The following AGBL5 variants were observed in gnomAD, a reference collection of about 807,000 sequenced individuals.
AGBL5 encodes the protein AGBL carboxypeptidase 5, also known as cytosolic carboxypeptidase-like protein 5.
A neutral mutation model predicts 88.0 loss-of-function variants in AGBL5; 51 were observed. The observed-to-expected ratio is 0.58, with a 90% CI of 0.46 to 0.73. The LOEUF is 0.73. Among genes scored for constraint, AGBL5 ranks in the 30% least tolerant of loss-of-function variants. The probability of loss-of-function intolerance (pLI) is 0.00; values close to 1 mark genes in which losing one functional copy is unlikely to be tolerated. For missense variants in AGBL5, 1,031 were observed against 1,162.2 expected, an observed-to-expected ratio of 0.89 and a Z score of 1.64; for synonymous variants, 446 against 438.8, an observed-to-expected ratio of 1.02 and a Z score of -0.21.
rs372015397 is a variant in AGBL5 at position 27,055,659 on chromosome 2, C to T, written c.909-23C>T. On this transcript the variant is annotated intron_variant, in intron 6 of 14. Transcript: ENST00000360131. ...CACTGGCCCAGTCCTCTAGAACCTG[C>T]TTCAGTCCTTGTTTTCCTACAGCAC... The T allele has an allele frequency of 8.1e-6, 13 of 1,601,394 alleles. No individual in the cohort carries two copies. The South Asian group carries it at 1.0e-4, about 12-fold the overall frequency.
chr2:27,063,162 T>C (rs1372090808), intron 11 of AGBL5, among the ~76,000 whole-genome samples: 2 of 152,240 alleles, frequency 1.3e-5, no homozygotes, highest in East Asian at 3.8e-4. Flanking sequence ...CTTTTTCCAC[T>C]GCAAACAAAA....
chr2:27,051,302 C>G (rs969478991), upstream of AGBL5: 2 of 152,214 alleles, frequency 1.3e-5, no homozygotes, highest in African/African-American at 2.4e-5. Context: ...CTTTTGCGTC[C>G]GTCACACTAC....
At position 27,057,421 on chromosome 2, in the gene AGBL5, G is replaced by A; in HGVS notation, c.1654G>A (p.Val552Met). The change falls in exon 9 of 15, where the codon GTG becomes ATG. Residue 552 changes from valine (V) to methionine (M), a missense_variant. Coordinates refer to ENST00000360131, the MANE Select transcript of AGBL5 (RefSeq NM_021831.6). ...GCCGGCTTTCCCCTCCAGATACACT[G>A]TGGAACTATTTGAGCAGGTATGAAT... ...PPPAFPSRYT[V>M]ELFEQVGRAM... 1 of 1,612,316 alleles carries A rather than the reference G, an allele frequency of 6.2e-7. No homozygotes were observed. The highest frequency in any genetic ancestry group is 1.1e-5 in the South Asian group (1 of 90,730).
At chr2:27,055,277 T>C in intron 6 of AGBL5, 24 bp downstream of exon 6, 2 of 1,608,374 alleles carry the variant, frequency 1.2e-6, no homozygotes, top group Middle Eastern at 3.3e-4. Flanking sequence ...CCAGCCTGTC[T>C]GGACTGTTCC....
intron 11 of AGBL5, among the ~76,000 whole-genome samples, chr2:27,061,477 G>A (rs1164329500): frequency 2.6e-5 from 4 of 151,926 alleles, no homozygotes; most frequent in Non-Finnish European, 5.9e-5. Context: ...CCTCGTGATC[G>A]CCTGCCTCGG....
intron 5 of AGBL5, 82 bp downstream of exon 5, chr2:27,054,889 C>T (rs1178833466): frequency 2.6e-6 from 4 of 1,536,442 alleles, no homozygotes; most frequent in Non-Finnish European, 3.5e-6. Context: ...TATGTTATCT[C>T]TAGGCATCTT....
chr2:27,063,114 T>C (rs186290645), intron 11 of AGBL5, among the ~76,000 whole-genome samples: 193 of 152,352 alleles, frequency 1.3e-3, no homozygotes, highest in African/African-American at 4.4e-3. Context: ...GATTCAGTGA[T>C]GGTAGAAGAC....
At position 27,058,618 on chromosome 2, in the gene AGBL5, T is replaced by C. The variant is rs1558418161; in HGVS notation, c.1874+16T>C. The C allele has an allele frequency of 6.2e-7, 1 of 1,613,036 alleles. No homozygotes were observed. The highest frequency in any genetic ancestry group is 1.7e-5 in the Admixed American group (1 of 59,938). The stretch of plus-strand genomic sequence containing the variant: ...AAAGTCACAAGTAAGGCCAGCAAAA[T>C]AGGAGGGAGAAAGGGTAGGACAGTG... On this transcript the variant is annotated intron_variant, in intron 10 of 14. Transcript: ENST00000360131.
At chr2:27,054,114 A>C in intron 4 of AGBL5, 55 bp downstream of exon 4, 1 of 1,532,314 alleles carries the variant, frequency 6.5e-7, no homozygotes, top group Non-Finnish European at 8.8e-7. Context: ...CAGCACCTCC[A>C]CTACTTCTGG....
chr2:27,059,096 C>A, intron 10 of AGBL5, 94 bp from the exon 11 acceptor site: 1 of 1,275,128 alleles, frequency 7.8e-7, no homozygotes, highest in Non-Finnish European at 1.1e-6. Context: ...CCTTTTTACC[C>A]CAGAGGTGAA....
chr2:27,053,482 G>T lies in AGBL5; in HGVS notation c.296G>T (p.Ser99Ile), dbSNP rs1668279942. ...AACATTATGAACATGAACAAGCAGA[G>T]CAAGCTGTATTCCCAGGGCATGGCC... is the stretch of plus-strand genomic sequence containing the variant. Reference protein sequence around the residue: ...KINIMNMNKQSKLYSQGMAPF... With the variant: ...KINIMNMNKQIKLYSQGMAPF... The change falls in exon 3 of 15, where the codon AGC (serine) becomes ATC (isoleucine). Residue 99 changes from serine to isoleucine, a missense_variant. Transcript: ENST00000360131. This position sits in a 1 kb window ranked among gnomAD's most constrained non-coding sequence, Gnocchi z 4.9. The T allele has an allele frequency of 3.7e-6, 6 of 1,614,022 alleles. No homozygotes were observed. The highest frequency in any genetic ancestry group is 5.1e-6 in the Non-Finnish European group (6 of 1,180,052).
chr2:27,062,180 A>G (rs934299095), intron 11 of AGBL5, among the ~76,000 whole-genome samples: 2 of 140,906 alleles, frequency 1.4e-5, no homozygotes, highest in African/African-American at 5.3e-5. Flanking sequence ...CTGGAGTGCA[A>G]TGGCATGATC....
intron 12 of AGBL5, among the ~76,000 whole-genome samples, chr2:27,068,162 A>AC (rs1389296183): frequency 6.6e-6 from 1 of 152,160 alleles, no homozygotes; most frequent in Non-Finnish European, 1.5e-5. Context: ...TCATTCAAAG[A>AC]CCCCTACTCC....
In AGBL5 at chr2:27,054,739, G is replaced by A. The variant is rs781294343; in HGVS notation, c.661G>A (p.Glu221Lys). Reference protein sequence around the residue: ...TSCHGLREDREPRLEQLFPDT... With the variant: ...TSCHGLREDRKPRLEQLFPDT... ...CTGCCATGGGCTTCGAGAAGATCGA[G>A]AGCCCCGTCTAGAGCAGCTATTTCC... Residue 221 changes from glutamate to lysine, a missense_variant, in exon 5 of 15, where the codon GAG becomes AAG. Physicochemically the swap from Glu to Lys is moderately conservative, Grantham distance 56. Around this residue, in one of 2 missense-constraint regions of AGBL5, gnomAD observed 540 missense variants for 678.2 expected, o/e 0.80. Transcript: ENST00000360131. The A allele has an allele frequency of 1.2e-6, 2 of 1,613,994 alleles. No individual in the cohort carries two copies. The highest frequency in any genetic ancestry group is 1.7e-6 in the Non-Finnish European group (2 of 1,180,020).
At chr2:27,067,444 T>C (rs776540949) in intron 11 of AGBL5, 50 bp from the exon 12 acceptor site, 3 of 1,586,782 alleles carry the variant, frequency 1.9e-6, no homozygotes, top group Non-Finnish European at 2.6e-6. Flanking sequence ...GGCTGCCTCA[T>C]AGTGCCCCAC....
intron 6 of AGBL5, 22 bp downstream of exon 6, chr2:27,055,275 T>C (rs1668372061): frequency 6.2e-7 from 1 of 1,608,262 alleles, no homozygotes; most frequent in South Asian, 1.1e-5. Context: ...CCCCAGCCTG[T>C]CTGGACTGTT....
upstream of AGBL5, among the ~76,000 whole-genome samples, chr2:27,050,797 T>G (rs975439363): frequency 1.3e-5 from 2 of 152,154 alleles, no homozygotes; most frequent in African/African-American, 4.8e-5. Flanking sequence ...GATAGCTCAG[T>G]TGGTAGAGCG....
intron 11 of AGBL5, chr2:27,062,300 A>G (rs1572827743): frequency 6.7e-6 from 1 of 149,854 alleles, no homozygotes; most frequent in East Asian, 2.0e-4. Context: ...TTTTTTTTGT[A>G]TTTTTAGTAG....
intron 11 of AGBL5, among the ~76,000 whole-genome samples, chr2:27,061,422 A>G (rs1668712173): frequency 6.6e-6 from 1 of 152,140 alleles, no homozygotes; most frequent in South Asian, 2.1e-4. Context: ...CTTTTAGTAG[A>G]GACGGGGTTT....
Sources: gnomAD v4.1 joint callset for allele counts (sites outside exome capture counted in the v4.1 genomes callset) on GRCh38, gnomAD v4.1.1 for gene constraint, gnomAD v4.1.1 regional missense constraint, Gnocchi (gnomAD v3.1) non-coding constraint, MANE v1.5 for transcripts, NCBI Gene and HGNC (gene_info 2026-07-23, HGNC 2026-07-21) for gene names.